Variants in CDKAL1 observed in about 807,000 individuals in gnomAD.
CDKAL1 encodes the protein threonylcarbamoyladenosine tRNA methylthiotransferase.
Under a neutral mutation model 68.2 loss-of-function variants are expected in CDKAL1, and 32 were observed. The observed-to-expected ratio is 0.47, with a 90% CI of 0.35 to 0.63. CDKAL1 has a LOEUF of 0.63. CDKAL1 is among the 30% of genes least tolerant of loss of function. CDKAL1 has a pLI of 0.00. For synonymous variants in CDKAL1, 234 were observed against 244.3 expected (o/e 0.96, Z 0.39); for missense variants, 606 against 696.7 (o/e 0.87, Z 1.47).
chr6:20,971,816 C>T (rs1339923259), intron 10 of CDKAL1, among the ~76,000 whole-genome samples: 1 of 152,118 alleles, frequency 6.6e-6, no homozygotes, highest in Non-Finnish European at 1.5e-5. Context: ...AGAGTTTAAG[C>T]TGAATGATGT....
At chr6:20,812,835 A>G (rs749206682) in intron 8 of CDKAL1, among the ~76,000 whole-genome samples, 2 of 152,070 alleles carry the variant, frequency 1.3e-5, no homozygotes, top group Non-Finnish European at 2.9e-5. Flanking sequence ...TACAAATACA[A>G]TTTTTTTAAC....
intron 9 of CDKAL1, among the ~76,000 whole-genome samples, chr6:20,876,803 G>A (rs911943133): frequency 6.6e-6 from 1 of 152,084 alleles, no homozygotes; most frequent in Non-Finnish European, 1.5e-5. Context: ...TTTAATTAAT[G>A]AAAAACAACT....
chr6:20,987,535 G>A (rs1766534997), intron 10 of CDKAL1, among the ~76,000 whole-genome samples: 1 of 152,144 alleles, frequency 6.6e-6, no homozygotes, highest in East Asian at 1.9e-4. Flanking sequence ...GGGGTTATAA[G>A]CGTGAGACAC....
At chr6:20,740,795 A>G (rs763419517) in intron 6 of CDKAL1, among the ~76,000 whole-genome samples, 2 of 152,194 alleles carry the variant, frequency 1.3e-5, no homozygotes, top group Admixed American at 6.5e-5. Flanking sequence ...AATGTTTGGT[A>G]ACTTTAGTTT....
intron 7 of CDKAL1, among the ~76,000 whole-genome samples, chr6:20,762,292 G>A (rs1581530450): frequency 6.6e-6 from 1 of 152,124 alleles, no homozygotes; most frequent in Admixed American, 6.6e-5. Flanking sequence ...AAAGTGAGTC[G>A]AAGATGAAGT....
chr6:20,861,900 A>G (rs1200576707), intron 9 of CDKAL1, among the ~76,000 whole-genome samples: 1 of 152,222 alleles, frequency 6.6e-6, no homozygotes, highest in Non-Finnish European at 1.5e-5. Context: ...GAGAAGTCAT[A>G]TTGAATGTTC....
At chr6:20,560,387 ATTAT>A (rs1764221555) in intron 4 of CDKAL1, among the ~76,000 whole-genome samples, 1 of 152,122 alleles carries the variant, frequency 6.6e-6, no homozygotes, top group African/African-American at 2.4e-5. Flanking sequence ...AGATGTGAAA[ATTAT>A]TTAGTCACTG....
At chr6:21,007,931 A>C (rs1767819404) in intron 11 of CDKAL1, among the ~76,000 whole-genome samples, 1 of 152,250 alleles carries the variant, frequency 6.6e-6, no homozygotes, top group African/African-American at 2.4e-5. Flanking sequence ...ACTGGAGACA[A>C]TAAAGTGGAT....
rs774916866 is a variant in CDKAL1, at chr6:20,930,555, TC to T, written c.743-24862del. On this transcript the variant is annotated intron_variant, in intron 9 of 15. Transcript: ENST00000274695. ...TATTTCCAAAGGCAATGGCCGCTGGTCCAGTAAACAAAACCCATGTCGAAAC... is the reference window on the plus strand; with the variant it reads ...TATTTCCAAAGGCAATGGCCGCTGGTCAGTAAACAAAACCCATGTCGAAAC... Among the ~76,000 whole-genome samples the T allele has an allele frequency of 4.6e-5, 7 of 152,190 alleles. No homozygotes were observed. In the East Asian group the frequency reaches 7.7e-4, roughly 17 times the overall value.
At chr6:20,868,722 C>A (rs915878188) in intron 9 of CDKAL1, among the ~76,000 whole-genome samples, 10 of 152,188 alleles carry the variant, frequency 6.6e-5, no homozygotes, top group African/African-American at 2.4e-4. Context: ...ATGATGTCAT[C>A]CTTATCAAAC....
intron 4 of CDKAL1, among the ~76,000 whole-genome samples, chr6:20,591,217 A>G (rs1397777566): frequency 6.6e-6 from 1 of 151,842 alleles, no homozygotes; most frequent in African/African-American, 2.4e-5. Context: ...TTTTTCTTGT[A>G]TATTTGTTTA....
intron 11 of CDKAL1, among the ~76,000 whole-genome samples, chr6:21,018,445 C>T (rs1336909602): frequency 6.6e-6 from 1 of 152,072 alleles, no homozygotes; most frequent in Non-Finnish European, 1.5e-5. Context: ...GTGCTAATAC[C>T]GAAGTTGATT....
At chr6:20,598,112 G>A (rs534534925) in intron 4 of CDKAL1, among the ~76,000 whole-genome samples, 1 of 152,282 alleles carries the variant, frequency 6.6e-6, no homozygotes, top group South Asian at 2.1e-4. Context: ...TGCTGTAATA[G>A]GAACTGCAGT....
At chr6:20,906,470 T>G (rs1762234926) in intron 9 of CDKAL1, among the ~76,000 whole-genome samples, 1 of 152,164 alleles carries the variant, frequency 6.6e-6, no homozygotes, top group Admixed American at 6.5e-5. Context: ...CCTCAACTTA[T>G]GATGGGGCTA....
chr6:21,009,093 A>G (rs890003345), intron 11 of CDKAL1, among the ~76,000 whole-genome samples: 33 of 152,344 alleles, frequency 2.2e-4, no homozygotes, highest in Non-Finnish European at 1.6e-4. Context: ...AATTCTCACA[A>G]TGGCACATAT....
At chr6:20,641,016 C>T (rs780974271) in intron 4 of CDKAL1, among the ~76,000 whole-genome samples, 11 of 152,066 alleles carry the variant, frequency 7.2e-5, no homozygotes, top group Non-Finnish European at 1.6e-4. Flanking sequence ...AATAATTTTT[C>T]TGTATATAAA....
At chr6:20,587,178 G>A (rs554083784) in intron 4 of CDKAL1, among the ~76,000 whole-genome samples, 177 of 151,798 alleles carry the variant, frequency 1.2e-3, no homozygotes, top group African/African-American at 3.7e-3. Context: ...GTAGAGACGC[G>A]GTTTTGCCAT....
In CDKAL1 at chr6:20,667,341, A is replaced by G. The variant is rs184807423; in HGVS notation, c.371+17964A>G. Among the ~76,000 whole-genome samples, 30 of 152,330 alleles carry G rather than the reference A, an allele frequency of 2.0e-4. 1 individual carries two copies. The highest frequency in any genetic ancestry group is 7.0e-4 in the African/African-American group (29 of 41,588). Reference sequence around the variant, plus strand: ...AAAAAGGGCAGAGTCTTAGCCAGATAATTATAATACAGTGAGGGAAGTGTG... The same window carrying G: ...AAAAAGGGCAGAGTCTTAGCCAGATGATTATAATACAGTGAGGGAAGTGTG... On this transcript the variant is annotated intron_variant, in intron 5 of 15. Coordinates refer to ENST00000274695, the MANE Select transcript of CDKAL1 (RefSeq NM_017774.3).
chr6:20,660,800 G>A (rs555146732), intron 5 of CDKAL1, among the ~76,000 whole-genome samples: 5 of 152,204 alleles, frequency 3.3e-5, no homozygotes, highest in African/African-American at 1.2e-4. Context: ...GTTTAGTATC[G>A]TTATGCTGTC....
Sources: allele counts gnomAD v4.1 joint callset (sites outside exome capture counted in the v4.1 genomes callset), GRCh38; gene constraint gnomAD v4.1.1; transcripts MANE v1.5; gene names NCBI Gene and HGNC (gene_info 2026-07-23, HGNC 2026-07-21).